Variants in CAMTA2 observed in about 807,000 individuals in gnomAD.
The protein encoded by CAMTA2 is calmodulin binding transcription activator 2, also known as calmodulin-binding transcription activator 2.
In CAMTA2, 56 loss-of-function variants were observed where a neutral mutation model predicts 135.7. The observed-to-expected ratio is 0.41, with a 90% CI of 0.33 to 0.52. The LOEUF (loss-of-function observed/expected upper bound fraction) is 0.52, where lower values mean the gene tolerates loss of function less well. Among genes scored for constraint, CAMTA2 ranks in the 20% least tolerant of loss-of-function variants. The pLI is 0.16. For synonymous variants in CAMTA2, 591 were observed against 604.6 expected (o/e 0.98, Z 0.33); for missense variants, 1,358 against 1,553.4 (o/e 0.87, Z 2.11).
chr17:4,985,997 G>A lies in CAMTA2; in HGVS notation c.32-14C>T, dbSNP rs771498111. 1.3e-6 allele frequency: 2 copies of A among 1,589,778 alleles called. No individual in the cohort carries two copies. Among genetic ancestry groups the A allele is most frequent in the Non-Finnish European group, 1.7e-6 (2 of 1,157,770 alleles). On this transcript the variant is annotated splice_polypyrimidine_tract_variant and intron_variant, in intron 2 of 22. Transcript: ENST00000348066. The stretch of plus-strand genomic sequence containing the variant: ...GGTGGCTGTTTTCTAAAGGGAATTA[G>A]AAGGGAGGGTTTAGTGTGCTACCCT...
At chr17:4,984,480 A>T (rs573074077) in intron 3 of CAMTA2, among the ~76,000 whole-genome samples, 1 of 152,118 alleles carries the variant, frequency 6.6e-6, no homozygotes, top group East Asian at 1.9e-4. Flanking sequence ...TATAAACCAA[A>T]CCCCTTTTCA....
At position 4,980,463 on chromosome 17, in the gene CAMTA2, G is replaced by A. The variant is rs776330022; in HGVS notation, c.859C>T (p.His287Tyr). Residue 287 changes from histidine (H) to tyrosine (Y), a missense_variant, in exon 9 of 23, where the codon CAC becomes TAC. Transcript: ENST00000348066. This position sits in a 1 kb window ranked among gnomAD's most constrained non-coding sequence, Gnocchi z 5.3. Reference protein sequence around the residue: ...APLPPELPKAHTSPSSSSSSS... With the variant: ...APLPPELPKAYTSPSSSSSSS... Reference sequence around the variant, plus strand: ...GAAGAGGAAGAAGATGGGGAGGTGTGTGCCTTGGGGAGCTCTGGGGGAAGT... The same window carrying A: ...GAAGAGGAAGAAGATGGGGAGGTGTATGCCTTGGGGAGCTCTGGGGGAAGT... The A allele has an allele frequency of 3.7e-6, 6 of 1,612,856 alleles. No homozygotes were observed. In the South Asian group the frequency reaches 6.6e-5, roughly 18 times the overall value.
At chr17:4,981,117 G>T in intron 8 of CAMTA2, 108 bp downstream of exon 8, 1 of 1,358,456 alleles carries the variant, frequency 7.4e-7, no homozygotes, top group Non-Finnish European at 1.0e-6. Flanking sequence ...ACATGCAAAA[G>T]ACTTGCAAAT....
At position 4,987,609 on chromosome 17, in the gene CAMTA2, G is replaced by A. The variant is rs1171364276; in HGVS notation, c.-81C>T. 1 of 1,528,200 alleles carries A rather than the reference G, an allele frequency of 6.5e-7. No homozygotes were observed. Among genetic ancestry groups the A allele is most frequent in the East Asian group, 2.5e-5 (1 of 39,870 alleles). 94.7% of individuals were successfully genotyped at this position (1,528,200 alleles called of 1,614,324 possible). On this transcript the variant is annotated 5_prime_UTR_variant, in exon 1 of 23. Transcript: ENST00000348066. ...GGCTCTTACCTCCCGGGGTCCCGCG[G>A]GTGACGGCGGCAGCGGCCATTCTAC...
Position 4,972,908 on chromosome 17 carries a change from A to G in CAMTA2, c.2364T>C (p.Ser788=), listed in dbSNP as rs1381524223. 4 of 1,613,786 alleles carry G rather than the reference A, an allele frequency of 2.5e-6. No individual in the cohort carries two copies. Among genetic ancestry groups the G allele is most frequent in the Non-Finnish European group, 3.4e-6 (4 of 1,180,028 alleles). The change falls in exon 15 of 23, where the codon TCT becomes TCC. Residue 788 remains serine (S), a synonymous_variant. Transcript: ENST00000348066. ...WNRQALSIPD[S]LGRLPLSVAH... ...CCACAGACAATGGCAGACGGCCCAG[A>G]GAGTCGGGAATGCTCAGTGCCTGTC...
chr17:4,981,819 C>T lies in CAMTA2; in HGVS notation c.424G>A (p.Val142Ile), dbSNP rs149046611. The change falls in exon 7 of 23, where the codon GTC becomes ATC. Residue 142 changes from valine (V) to isoleucine (I), a missense_variant. Coordinates refer to ENST00000348066, the MANE Select transcript of CAMTA2 (RefSeq NM_015099.4). ...CYWLLQNPDI[V>I]LVHYLNVPAL... ...GGGACGTTCAGGTAGTGCACAAGGA[C>T]GATGTCAGGGTTCTGAGAGTATAAG... The T allele has an allele frequency of 6.2e-6, 10 of 1,604,782 alleles. No individual in the cohort carries two copies. Among genetic ancestry groups the T allele is most frequent in the African/African-American group, 4.0e-5 (3 of 74,606 alleles).
chr17:4,980,169 G>C lies in CAMTA2; in HGVS notation c.1153C>G (p.Gln385Glu), dbSNP rs1196927770. 6.3e-7 allele frequency: 1 copy of C among 1,577,964 alleles called. No homozygotes were observed. Among genetic ancestry groups the C allele is most frequent in the Non-Finnish European group, 8.6e-7 (1 of 1,162,062 alleles). The change falls in exon 9 of 23, where the codon CAG (glutamine) becomes GAG (glutamate). Residue 385 changes from glutamine to glutamate, a missense_variant. Around this residue, in one of 4 missense-constraint regions of CAMTA2, gnomAD observed 1,077 missense variants for 1,127.5 expected, o/e 0.96. Transcript: ENST00000348066. The surrounding 1 kb of genome is among the most constrained non-coding windows in gnomAD (Gnocchi z 5.3). ...FDPDRFLNSPQRGQTYGGGQG... is the reference protein window; with the variant it reads ...FDPDRFLNSPERGQTYGGGQG... ...CCCCCTCCATATGTCTGGCCCCTCT[G>C]GGGGCTGTTGAGAAAACGATCAGGG...
At chr17:4,975,142 C>A (rs16942630) in intron 11 of CAMTA2, among the ~76,000 whole-genome samples, 3 of 152,008 alleles carry the variant, frequency 2.0e-5, no homozygotes, top group African/African-American at 4.8e-5. Flanking sequence ...CTGTCCCCTC[C>A]TGAGATCAAA....
intron 7 of CAMTA2, 102 bp from the exon 8 acceptor site, chr17:4,981,461 C>G: frequency 6.6e-7 from 1 of 1,505,584 alleles, no homozygotes; most frequent in South Asian, 1.3e-5. Context: ...GACTTCTGGC[C>G]AGGTGAACAG....
At chr17:4,979,023 A>G (rs1972797501) in intron 9 of CAMTA2, among the ~76,000 whole-genome samples, 1 of 152,192 alleles carries the variant, frequency 6.6e-6, no homozygotes, top group Admixed American at 6.5e-5. Context: ...AAAGTCTGCA[A>G]TCACATCCCT....
chr17:4,985,766 T>C (rs1973239171), intron 3 of CAMTA2, 114 bp downstream of exon 3: 7 of 727,746 alleles, frequency 9.6e-6, no homozygotes, highest in African/African-American at 1.8e-5. Context: ...CCCAAAGAGC[T>C]TAGAATGGTG....
At position 4,968,943 on chromosome 17, in the gene CAMTA2, C is replaced by T. The variant is rs1972087160; in HGVS notation, c.3509G>A (p.Arg1170Gln). 3 of 1,614,084 alleles carry T rather than the reference C, an allele frequency of 1.9e-6. No homozygotes were observed. The highest frequency in any genetic ancestry group is 1.1e-5 in the South Asian group (1 of 91,068). Residue 1170 changes from arginine (R) to glutamine (Q), a missense_variant, in exon 22 of 23, where the codon CGG becomes CAG. Arg to Gln is a conservative substitution (Grantham distance 43, BLOSUM62 1). Around this residue, in one of 4 missense-constraint regions of CAMTA2, gnomAD observed 167 missense variants for 207.0 expected, o/e 0.81. Transcript: ENST00000348066. Reference protein sequence around the residue: ...FLTKKQDQAARKIMRFLRRCR... With the variant: ...FLTKKQDQAAQKIMRFLRRCR... ...GCGCCGCAGGAATCTCATGATCTTC[C>T]GGGCTGCCTGGTCCTGCTTCTTGGT...
chr17:4,982,097 G>T lies in CAMTA2; in HGVS notation c.403C>A (p.Leu135Met), dbSNP rs762580443. ...VPTFHRRCYW[L>M]LQNPDIVLVH... ...GGCTCTTCCGTCCTTACCTGGAGCA[G>T]CCAGTAGCAGCGCCGATGGAATGTG... The change falls in exon 6 of 23, where the codon CTG becomes ATG. Residue 135 changes from leucine (L) to methionine (M), a missense_variant. By Grantham distance (15) the Leu-to-Met change is conservative. Coordinates refer to ENST00000348066, the MANE Select transcript of CAMTA2 (RefSeq NM_015099.4). 4 of 1,612,458 alleles carry T rather than the reference G, an allele frequency of 2.5e-6. No individual in the cohort carries two copies. In the Admixed American group the frequency reaches 6.7e-5, roughly 27 times the overall value.
At chr17:4,986,432 G>A (rs1973306504) in intron 1 of CAMTA2, 146 bp from the exon 2 acceptor site, 1 of 595,934 alleles carries the variant, frequency 1.7e-6, no homozygotes, top group Non-Finnish European at 3.0e-6. Flanking sequence ...TGATGTGACA[G>A]TAGAAGAGAG....
chr17:4,981,994 C>G, intron 6 of CAMTA2, 95 bp downstream of exon 6: 1 of 1,294,392 alleles, frequency 7.7e-7, no homozygotes, highest in Non-Finnish European at 1.1e-6. Context: ...CCTTTCCTCA[C>G]TCAGAACTCA....
chr17:4,971,187 C>A (rs766569920), intron 16 of CAMTA2, among the ~76,000 whole-genome samples: 2 of 152,186 alleles, frequency 1.3e-5, no homozygotes, highest in Non-Finnish European at 2.9e-5. Context: ...TTATCATGTG[C>A]AAGCCTCCTT....
rs1973443691 is a variant in CAMTA2 at position 4,987,597 on chromosome 17, C to T, written c.-69G>A. 7.9e-6 allele frequency: 12 copies of T among 1,526,798 alleles called. No homozygotes were observed. The highest frequency in any genetic ancestry group is 1.1e-5 in the Non-Finnish European group (12 of 1,142,632). The allele number at this position is 1,526,798 out of a possible 1,614,324, so 94.6% of individuals were successfully genotyped here. The stretch of plus-strand genomic sequence containing the variant: ...GCGAGAGGCCCTGGCTCTTACCTCC[C>T]GGGGTCCCGCGGGTGACGGCGGCAG... On this transcript the variant is annotated 5_prime_UTR_variant, in exon 1 of 23. Transcript: ENST00000348066.
chr17:4,979,580 G>T, intron 9 of CAMTA2, 104 bp downstream of exon 9: 1 of 720,196 alleles, frequency 1.4e-6, no homozygotes. Context: ...TGAAAACTGA[G>T]GGAAACTAGG....
In CAMTA2 at chr17:4,969,661, A is replaced by G. The variant is rs1457149161; in HGVS notation, c.3230T>C (p.Val1077Ala). Residue 1077 changes from valine to alanine, a missense_variant, in exon 19 of 23, where the codon GTA becomes GCA. Coordinates refer to ENST00000348066, the MANE Select transcript of CAMTA2 (RefSeq NM_015099.4). The surrounding 1 kb of genome is among the most constrained non-coding windows in gnomAD (Gnocchi z 5.6). Reference protein sequence around the residue: ...LKEQQEVAAAVIQRCYRKYKQ... With the variant: ...LKEQQEVAAAAIQRCYRKYKQ... ...GTACTTCCGGTAACAGCGCTGGATT[A>G]CAGCTGCTGCTACCTCCTGCTGCTC... The G allele has an allele frequency of 6.2e-7, 1 of 1,613,966 alleles. No individual in the cohort carries two copies. The highest frequency in any genetic ancestry group is 1.3e-5 in the African/African-American group (1 of 74,902).
Sources: gnomAD v4.1 joint callset for allele counts (sites outside exome capture counted in the v4.1 genomes callset) on GRCh38, gnomAD v4.1.1 for gene constraint, gnomAD v4.1.1 regional missense constraint, Gnocchi (gnomAD v3.1) non-coding constraint, MANE v1.5 for transcripts, NCBI Gene and HGNC (gene_info 2026-07-23, HGNC 2026-07-21) for gene names.